The following TENM2 variants were observed in gnomAD, a reference collection of about 807,000 sequenced individuals.
TENM2 encodes teneurin-2.
A neutral mutation model predicts 245.2 loss-of-function variants in TENM2; 52 were observed. The ratio of observed to expected loss-of-function variants is 0.21; its 90% CI spans 0.17 to 0.27. The LOEUF is 0.27. TENM2 is among the 10% of genes least tolerant of loss of function. The probability of loss-of-function intolerance (pLI) is 1.00; values close to 1 mark genes in which losing one functional copy is unlikely to be tolerated. For missense variants in TENM2, 3,046 were observed against 3,666.8 expected, an observed-to-expected ratio of 0.83 and a Z score of 4.37; for synonymous variants, 1,363 against 1,438.9, an observed-to-expected ratio of 0.95 and a Z score of 1.19.
At chr5:167,922,010 C>G (rs1777408422) in intron 3 of TENM2, among the ~76,000 whole-genome samples, 1 of 152,120 alleles carries the variant, frequency 6.6e-6, no homozygotes. Context: ...GTCAGAAACT[C>G]TAGTGGACAG....
At chr5:167,079,597 G>A in the TENM2 span, among the ~76,000 whole-genome samples, 2 of 151,138 alleles carry the variant, frequency 1.3e-5, no homozygotes, top group African/African-American at 4.8e-5. Context: ...ACAGGCATGA[G>A]CCACCACACC....
At chr5:167,913,092 G>A (rs1205736456) in intron 3 of TENM2, among the ~76,000 whole-genome samples, 1 of 152,164 alleles carries the variant, frequency 6.6e-6, no homozygotes, top group Admixed American at 6.5e-5. Flanking sequence ...CAACCTCAGC[G>A]AGATAGAGCA....
chr5:167,589,194 T>C (rs1272010463), intron 2 of TENM2, among the ~76,000 whole-genome samples: 7 of 86,246 alleles, frequency 8.1e-5, no homozygotes, highest in African/African-American at 3.0e-4. Context: ...AGAGGGAGGC[T>C]GTCTCAAAAA....
intron 14 of TENM2, among the ~76,000 whole-genome samples, chr5:168,193,042 C>G (rs1328502308): frequency 2.0e-5 from 3 of 152,202 alleles, no homozygotes; most frequent in Non-Finnish European, 2.9e-5. Flanking sequence ...GGTGAACAGT[C>G]AGGAACCCCA....
intron 2 of TENM2, among the ~76,000 whole-genome samples, chr5:167,432,518 A>G (rs1764310431): frequency 6.6e-6 from 1 of 151,768 alleles, no homozygotes; most frequent in Non-Finnish European, 1.5e-5. Flanking sequence ...AGCTGTTGGA[A>G]CGCTTATTTT....
At chr5:167,209,996 G>A in the TENM2 span, among the ~76,000 whole-genome samples, 38 of 152,210 alleles carry the variant, frequency 2.5e-4, no homozygotes, top group African/African-American at 8.9e-4. Context: ...ACCATGCCCT[G>A]GTGTCTTAAA....
intron 2 of TENM2, among the ~76,000 whole-genome samples, chr5:167,578,397 G>C (rs1281042509): frequency 6.6e-6 from 1 of 152,184 alleles, no homozygotes; most frequent in East Asian, 1.9e-4. Flanking sequence ...GCTGGGGAAC[G>C]GAGACTGGCT....
chr5:168,236,967 TATATATATATATATATATATATATATA>T (rs1562318807), intron 25 of TENM2, among the ~76,000 whole-genome samples: 9 of 5,300 alleles, frequency 1.7e-3, no homozygotes, highest in East Asian at 4.9e-3. Flanking sequence ...TATATATATA[TATATATATATATATATATATATATATA>T]TATATATTTT....
the TENM2 span, among the ~76,000 whole-genome samples, chr5:167,042,591 A>T: frequency 6.6e-6 from 1 of 152,220 alleles, no homozygotes; most frequent in Admixed American, 6.5e-5. Flanking sequence ...AATGTGTGGG[A>T]AAAGATAGAG....
chr5:167,410,657 T>C (rs1369943898), intron 2 of TENM2, among the ~76,000 whole-genome samples: 2 of 152,060 alleles, frequency 1.3e-5, no homozygotes, highest in South Asian at 2.1e-4. Context: ...TTCCTTGGTA[T>C]GCATAAAGCA....
the TENM2 span, among the ~76,000 whole-genome samples, chr5:167,244,583 A>T: frequency 6.6e-6 from 1 of 152,222 alleles, no homozygotes; most frequent in Non-Finnish European, 1.5e-5. Flanking sequence ...GGAAGTGAGG[A>T]GGCCAAGAGG....
chr5:167,354,661 T>G (rs1190039893), intron 1 of TENM2, among the ~76,000 whole-genome samples: 2 of 152,174 alleles, frequency 1.3e-5, no homozygotes, highest in Admixed American at 1.3e-4. Flanking sequence ...AAAAGAGACA[T>G]GTTTGAATTG....
At chr5:167,328,204 G>GTTTTTTTTTTTTTTTTT in intron 1 of TENM2, among the ~76,000 whole-genome samples, 1 of 91,028 alleles carries the variant, frequency 1.1e-5, no homozygotes, top group East Asian at 3.1e-4. Context: ...TTCTCATATC[G>GTTTTTTTTTTTTTTTTT]TTTTTTTTTT....
intron 2 of TENM2, among the ~76,000 whole-genome samples, chr5:167,480,247 T>C (rs1331893620): frequency 2.6e-5 from 4 of 152,116 alleles, no homozygotes; most frequent in Non-Finnish European, 4.4e-5. Flanking sequence ...CCCTCTCTCT[T>C]CCTCACTGAT....
chr5:167,800,616 A>G (rs1442048526), intron 2 of TENM2, among the ~76,000 whole-genome samples: 1 of 152,180 alleles, frequency 6.6e-6, no homozygotes, highest in Admixed American at 6.5e-5. Context: ...GTCTTGCAGC[A>G]TGCATAATCT....
intron 3 of TENM2, among the ~76,000 whole-genome samples, chr5:167,943,862 A>T (rs1170402457): frequency 6.6e-6 from 1 of 152,170 alleles, no homozygotes; most frequent in Non-Finnish European, 1.5e-5. Context: ...CCTCTCCCAG[A>T]GGAGGCCAAA....
intron 12 of TENM2, among the ~76,000 whole-genome samples, chr5:168,158,807 A>ATGTGTGTG (rs371329253): frequency 1.2e-5 from 1 of 80,472 alleles, no homozygotes; most frequent in African/African-American, 6.2e-5. Context: ...TAAAAAAAAA[A>ATGTGTGTG]TGTGTGTGTG....
intron 2 of TENM2, among the ~76,000 whole-genome samples, chr5:167,853,535 T>G (rs549281291): frequency 6.6e-6 from 1 of 152,192 alleles, no homozygotes; most frequent in South Asian, 2.1e-4. Flanking sequence ...TACTTTCAAG[T>G]GGATTGGCTG....
upstream of TENM2, among the ~76,000 whole-genome samples, chr5:167,282,608 T>C (rs151283988): frequency 7.9e-5 from 12 of 152,318 alleles, no homozygotes; most frequent in East Asian, 2.3e-3. Flanking sequence ...GTGAAGTAGA[T>C]ACTATTATTT....
Sources: allele counts gnomAD v4.1 joint callset (sites outside exome capture counted in the v4.1 genomes callset), GRCh38; gene constraint gnomAD v4.1.1; transcripts MANE v1.5; gene names NCBI Gene and HGNC (gene_info 2026-07-23, HGNC 2026-07-21).